EFNA5: variants seen among roughly 807,000 people sequenced by gnomAD.
The protein encoded by EFNA5 is ephrin A5, also known as ephrin-A5.
In EFNA5, 5 loss-of-function variants were observed where a neutral mutation model predicts 22.9. That is an observed-to-expected ratio of 0.22 (90% CI 0.11 to 0.46). The LOEUF (loss-of-function observed/expected upper bound fraction) is 0.46, where lower values mean the gene tolerates loss of function less well. Ranked by LOEUF, EFNA5 falls within the 20% of genes least tolerant of loss-of-function variation. The pLI is 0.99. For synonymous variants in EFNA5, 113 were observed against 112.2 expected, an observed-to-expected ratio of 1.01 and a Z score of -0.04; for missense variants, 237 against 293.3, an observed-to-expected ratio of 0.81 and a Z score of 1.40.
intron 1 of EFNA5, among the ~76,000 whole-genome samples, chr5:107,663,668 A>G (rs1323193795): frequency 2.6e-5 from 4 of 152,120 alleles, no homozygotes; most frequent in Non-Finnish European, 5.9e-5. Flanking sequence ...TTAAAAGTAA[A>G]AATCATAGGA....
At chr5:107,658,188 A>G (rs1750869602) in intron 1 of EFNA5, among the ~76,000 whole-genome samples, 1 of 152,230 alleles carries the variant, frequency 6.6e-6, no homozygotes, top group Admixed American at 6.5e-5. Context: ...ATGTTAATGT[A>G]AAAAGAACAT....
chr5:107,507,428 T>C (rs1055159026), intron 1 of EFNA5, among the ~76,000 whole-genome samples: 1 of 152,166 alleles, frequency 6.6e-6, no homozygotes, highest in South Asian at 2.1e-4. Context: ...CATGTAAACT[T>C]TAAAAGATTA....
intron 1 of EFNA5, among the ~76,000 whole-genome samples, chr5:107,595,479 ACAT>A (rs1749453941): frequency 1.9e-5 from 2 of 107,258 alleles, no homozygotes; most frequent in African/African-American, 5.0e-5. Flanking sequence ...ATATATCACC[ACAT>A]TTTTTTACAT....
At chr5:107,400,059 T>A (rs1182160540) in intron 2 of EFNA5, among the ~76,000 whole-genome samples, 1 of 152,220 alleles carries the variant, frequency 6.6e-6, no homozygotes, top group African/African-American at 2.4e-5. Flanking sequence ...TAATTTATTA[T>A]AGTAAGAATT....
At chr5:107,419,959 T>G (rs970094129) in intron 2 of EFNA5, among the ~76,000 whole-genome samples, 5 of 152,152 alleles carry the variant, frequency 3.3e-5, no homozygotes, top group African/African-American at 1.2e-4. Flanking sequence ...TAAAAGACAA[T>G]GAACAGTGAA....
chr5:107,516,425 G>A (rs1006412915), intron 1 of EFNA5, among the ~76,000 whole-genome samples: 4 of 152,032 alleles, frequency 2.6e-5, no homozygotes, highest in Non-Finnish European at 4.4e-5. Flanking sequence ...TCTATGAAAG[G>A]AAATGACTTG....
chr5:107,667,590 G>A (rs949496543), intron 1 of EFNA5, among the ~76,000 whole-genome samples: 1 of 152,078 alleles, frequency 6.6e-6, no homozygotes, highest in Non-Finnish European at 1.5e-5. Flanking sequence ...GAATCTGTTA[G>A]TATAAGCTAA....
chr5:107,538,994 T>A (rs564552123), intron 1 of EFNA5, among the ~76,000 whole-genome samples: 1 of 152,312 alleles, frequency 6.6e-6, no homozygotes, highest in South Asian at 2.1e-4. Flanking sequence ...TGTCACAACA[T>A]TCACAGCTTG....
chr5:107,440,232 C>T (rs944345896), intron 1 of EFNA5, among the ~76,000 whole-genome samples: 1 of 152,156 alleles, frequency 6.6e-6, no homozygotes, highest in African/African-American at 2.4e-5. Flanking sequence ...AAACAATTCA[C>T]CATTTATTTC....
At chr5:107,425,602 C>A (rs1453537247) in intron 2 of EFNA5, among the ~76,000 whole-genome samples, 2 of 152,124 alleles carry the variant, frequency 1.3e-5, no homozygotes, top group Non-Finnish European at 2.9e-5. Context: ...ACTCAATATT[C>A]CTTTTCTTGT....
intron 1 of EFNA5, among the ~76,000 whole-genome samples, chr5:107,494,239 G>A (rs977797634): frequency 2.6e-5 from 4 of 152,140 alleles, no homozygotes; most frequent in Non-Finnish European, 4.4e-5. Context: ...CTTGCAGGGA[G>A]GTGTGGAGGC....
intron 1 of EFNA5, among the ~76,000 whole-genome samples, chr5:107,661,097 T>C (rs1283608388): frequency 1.4e-5 from 2 of 147,112 alleles, no homozygotes; most frequent in Non-Finnish European, 3.0e-5. Flanking sequence ...ACAAAACCAC[T>C]GCTTTCATCT....
chr5:107,553,461 C>T (rs923874734), intron 1 of EFNA5, among the ~76,000 whole-genome samples: 1 of 152,202 alleles, frequency 6.6e-6, no homozygotes, highest in African/African-American at 2.4e-5. Flanking sequence ...ACAGTCACGC[C>T]AGGGAAGGCA....
In EFNA5 at chr5:107,478,860, G is replaced by A. The variant is rs114952000; in HGVS notation, c.126-51351C>T. 5.9e-3 allele frequency among the ~76,000 whole-genome samples: 897 copies of A among 152,124 alleles called. 4 individuals carry two copies. The highest frequency in any genetic ancestry group is 0.019 in the African/African-American group (774 of 41,492). ...TCTGCTTACTAAAATGAAACTTTTC[G>A]TTTTATTTATGGAAGTTTTTATACT... is the stretch of plus-strand genomic sequence containing the variant. On this transcript the variant is annotated intron_variant, in intron 1 of 4. Transcript: ENST00000333274.
intron 1 of EFNA5, among the ~76,000 whole-genome samples, chr5:107,660,628 TA>T (rs1750934457): frequency 6.6e-6 from 1 of 152,044 alleles, no homozygotes; most frequent in Non-Finnish European, 1.5e-5. Flanking sequence ...TCACAGACTT[TA>T]AAAAAATTAT....
In EFNA5 at chr5:107,387,761, G is replaced by T. The variant is rs1561364650; in HGVS notation, c.429C>A (p.Ile143=). The change falls in exon 3 of 5, where the codon ATC becomes ATA. Residue 143 remains isoleucine, a synonymous_variant. Transcript: ENST00000333274. ...GREYFYISSA[I]PDNGRRSCLK... ...GACAGGACCTTCTTCCATTATCTGG[G>T]ATTGCAGAGGCTGTGGGTAACACAG... 1 of 1,612,166 alleles carries T rather than the reference G, an allele frequency of 6.2e-7. No individual in the cohort carries two copies. The highest frequency in any genetic ancestry group is 2.2e-5 in the East Asian group (1 of 44,842).
intron 1 of EFNA5, among the ~76,000 whole-genome samples, chr5:107,471,241 G>C (rs554610209): frequency 1.1e-3 from 161 of 152,168 alleles, no homozygotes; most frequent in African/African-American, 3.6e-3. Flanking sequence ...TCTGTAACCT[G>C]GTCTTCTCAC....
chr5:107,487,606 T>C (rs563642953), intron 1 of EFNA5, among the ~76,000 whole-genome samples: 1 of 152,284 alleles, frequency 6.6e-6, no homozygotes, highest in African/African-American at 2.4e-5. Context: ...GGTGTCAAAT[T>C]ACAAAGAATG....
intron 1 of EFNA5, among the ~76,000 whole-genome samples, chr5:107,590,775 G>C (rs1749306917): frequency 6.6e-6 from 1 of 152,094 alleles, no homozygotes; most frequent in African/African-American, 2.4e-5. Flanking sequence ...CATAAAGCTG[G>C]ACAAAACTCA....
Sources: gnomAD v4.1 joint callset for allele counts (sites outside exome capture counted in the v4.1 genomes callset) on GRCh38, gnomAD v4.1.1 for gene constraint, MANE v1.5 for transcripts, NCBI Gene and HGNC (gene_info 2026-07-23, HGNC 2026-07-21) for gene names.